Variants in COL11A2 observed in about 807,000 individuals in gnomAD.
COL11A2 encodes the protein collagen alpha-2(XI) chain.
A neutral mutation model predicts 273.4 loss-of-function variants in COL11A2; 116 were observed. That is an observed-to-expected ratio of 0.42 (90% confidence interval 0.36 to 0.49). The LOEUF (loss-of-function observed/expected upper bound fraction) is 0.49, where lower values mean the gene tolerates loss of function less well. Ranked by LOEUF, COL11A2 falls within the 20% of genes least tolerant of loss-of-function variation. COL11A2 has a pLI of 0.00. For missense variants in COL11A2, 1,866 were observed against 2,309.0 expected (o/e 0.81, Z 3.93); for synonymous variants, 782 against 864.2 (o/e 0.90, Z 1.67).
chr6:33,171,501 C>T lies in COL11A2; in HGVS notation c.3224G>A (p.Gly1075Glu). 1 of 1,613,916 alleles carries T rather than the reference C, an allele frequency of 6.2e-7. No individual in the cohort carries two copies. Residue 1075 changes from glycine to glutamate, a missense_variant, in exon 43 of 66, where the codon GGG (glycine) becomes GAG (glutamate). Physicochemically the swap from Gly to Glu is moderately conservative, Grantham distance 98. Transcript: ENST00000341947. The stretch of plus-strand genomic sequence containing the variant: ...ATCCTCTCCAGCCACACCTGGAGGC[C>T]CAGCAGGACCAGGAAGCCCCACAGG... ...QGPVGLPGPA[G>E]PPGVAGEDGD...
At position 33,172,606 on chromosome 6, in the gene COL11A2, T is replaced by C. The variant is rs1348512017; in HGVS notation, c.2822A>G (p.Glu941Gly). Reference protein sequence around the residue: ...GAAGETGPMGERGHPGPPGPP... With the variant: ...GAAGETGPMGGRGHPGPPGPP... ...CCCCGGGGGGCCTGGGTGACCTCTCTCCCCCATAGGGCCGGTTTCTCCTGC... is the reference window on the plus strand; with the variant it reads ...CCCCGGGGGGCCTGGGTGACCTCTCCCCCCCATAGGGCCGGTTTCTCCTGC... The change falls in exon 39 of 66, where the codon GAG (glutamate) becomes GGG (glycine). Residue 941 changes from glutamate to glycine, a missense_variant. Glu to Gly is a moderately conservative substitution (Grantham distance 98). Transcript: ENST00000341947. The C allele has an allele frequency of 2.5e-6, 4 of 1,612,228 alleles. No homozygotes were observed. Among genetic ancestry groups the C allele is most frequent in the Admixed American group, 1.7e-5 (1 of 59,988 alleles).
chr6:33,186,867 A>G, intron 4 of COL11A2, 49 bp from the exon 5 acceptor site: 1 of 1,611,278 alleles, frequency 6.2e-7, no homozygotes, highest in Middle Eastern at 1.7e-4. Context: ...AGAGAGGCAG[A>G]GGGTATCATC....
chr6:33,185,645 T>C (rs984657351), intron 6 of COL11A2, 56 bp downstream of exon 6: 1 of 788,710 alleles, frequency 1.3e-6, no homozygotes, highest in African/African-American at 1.8e-5. Context: ...TCCTAGGAGA[T>C]GATTGCTGGG....
intron 54 of COL11A2, among the ~76,000 whole-genome samples, chr6:33,168,185 C>G (rs986522): frequency 0.48 from 72,300 of 151,736 alleles, 17,802 homozygotes; most frequent in East Asian, 0.75. Context: ...TGTCAGTAAC[C>G]ACCACTACCC....
At position 33,167,914 on chromosome 6, in the gene COL11A2, C is replaced by T; in HGVS notation, c.3961-62G>A. The T allele has an allele frequency of 2.5e-6, 4 of 1,576,474 alleles. No homozygotes were observed. The highest frequency in any genetic ancestry group is 1.7e-5 in the Admixed American group (1 of 58,184). On this transcript the variant is annotated intron_variant, in intron 54 of 65. Coordinates refer to ENST00000341947, the MANE Select transcript of COL11A2 (RefSeq NM_080680.3). The surrounding 1 kb of genome is among the most constrained non-coding windows in gnomAD (Gnocchi z 6.1). Reference sequence around the variant, plus strand: ...GTGGGCAGCCAGGCTCAACTCTTCCCCCTTCCTGTCCTAGACACACACATA... The same window carrying T: ...GTGGGCAGCCAGGCTCAACTCTTCCTCCTTCCTGTCCTAGACACACACATA...
intron 43 of COL11A2, 25 bp from the exon 44 acceptor site, chr6:33,171,349 A>T (rs372976474): frequency 3.7e-6 from 6 of 1,613,928 alleles, no homozygotes; most frequent in Non-Finnish European, 5.1e-6. Context: ...CAGACAAGAT[A>T]TTAGAGAAAG....
Position 33,167,171 on chromosome 6 carries a change from G to A in COL11A2, c.4177-48C>T. The A allele has an allele frequency of 6.2e-7, 1 of 1,613,260 alleles. No individual in the cohort carries two copies. Among genetic ancestry groups the A allele is most frequent in the Non-Finnish European group, 8.5e-7 (1 of 1,179,188 alleles). On this transcript the variant is annotated intron_variant, in intron 57 of 65. Transcript: ENST00000341947. This position sits in a 1 kb window ranked among gnomAD's most constrained non-coding sequence, Gnocchi z 6.1. ...TCTCTTAAGGGAGAGGTGGGACCAA[G>A]TTCTCCCCAACAGCCTCCACTTCCT... is the stretch of plus-strand genomic sequence containing the variant.
chr6:33,174,151 A>T lies in COL11A2; in HGVS notation c.2484+14T>A. The T allele has an allele frequency of 6.3e-7, 1 of 1,577,266 alleles. No individual in the cohort carries two copies. Among genetic ancestry groups the T allele is most frequent in the South Asian group, 1.2e-5 (1 of 86,938 alleles). ...AGCCCTTCCCTTCTCACGCCCTCCC[A>T]CCCCCCAGCTTACCCGGGCTCCCTT... On this transcript the variant is annotated intron_variant, in intron 32 of 65. Transcript: ENST00000341947.
In COL11A2 at chr6:33,184,011, T is replaced by C. The variant is rs116015488; in HGVS notation, c.1119+134A>G. The stretch of plus-strand genomic sequence containing the variant: ...ATCTTTTCAAGCAACATATACATCA[T>C]ATGTGAACAGAAAATGACAAGTCAC... On this transcript the variant is annotated intron_variant, in intron 8 of 65. Transcript: ENST00000341947. 113,650 of 721,010 alleles carry C rather than the reference T, an allele frequency of 0.16. 11,056 individuals are homozygous for C. The highest frequency in any genetic ancestry group is 0.34 in the Admixed American group (15,241 of 44,448). 44.7% of individuals were successfully genotyped at this position (721,010 alleles called of 1,614,324 possible).
chr6:33,176,394 G>A lies in COL11A2; in HGVS notation c.2169+39C>T. On this transcript the variant is annotated intron_variant, in intron 27 of 65. Transcript: ENST00000341947. The surrounding 1 kb of genome is among the most constrained non-coding windows in gnomAD (Gnocchi z 4.9). ...TCCTAAGACCCCATATAGCTCCCCT[G>A]ACCACAGCCCTTTGTCTCCCAGCCT... 2.5e-6 allele frequency: 4 copies of A among 1,609,398 alleles called. No homozygotes were observed. Among genetic ancestry groups the A allele is most frequent in the Non-Finnish European group, 3.4e-6 (4 of 1,178,004 alleles).
intron 6 of COL11A2, 141 bp from the exon 7 acceptor site, chr6:33,185,195 C>A: frequency 1.4e-6 from 1 of 713,344 alleles, no homozygotes; most frequent in South Asian, 1.6e-5. Context: ...TCAGATCTTG[C>A]AGCCCCTTTG....
In COL11A2 at chr6:33,165,686, C is replaced by G; in HGVS notation, c.4613G>C (p.Gly1538Ala). The G allele has an allele frequency of 3.7e-6, 6 of 1,611,522 alleles. No individual in the cohort carries two copies. The highest frequency in any genetic ancestry group is 1.1e-5 in the South Asian group (1 of 91,082). ...TGAGCCAAAGATCTCCTCCAGCCCCCCAGGACTGCCGGGGGCTCCCCCGGT... is the reference window on the plus strand; with the variant it reads ...TGAGCCAAAGATCTCCTCCAGCCCCGCAGGACTGCCGGGGGCTCCCCCGGT... ...IPTGGAPGSPGGLEEIFGSLD... is the reference protein window; with the variant it reads ...IPTGGAPGSPAGLEEIFGSLD... The change falls in exon 63 of 66, where the codon GGG becomes GCG. Residue 1538 changes from glycine to alanine, a missense_variant. Gly to Ala is a moderately conservative substitution (Grantham distance 60, BLOSUM62 0). Transcript: ENST00000341947. The surrounding 1 kb of genome is among the most constrained non-coding windows in gnomAD (Gnocchi z 7.7).
rs1318659706 is a variant in COL11A2 at position 33,185,765 on chromosome 6, A to C, written c.812T>G (p.Leu271Arg). Residue 271 changes from leucine (L) to arginine (R), a missense_variant, in exon 6 of 66, where the codon CTC (leucine) becomes CGC (arginine). By Grantham distance (102) the Leu-to-Arg change is moderately radical (BLOSUM62 -2). Coordinates refer to ENST00000341947, the MANE Select transcript of COL11A2 (RefSeq NM_080680.3). ...QEPQSQPTESLYYDYEPPYYD... is the reference protein window; with the variant it reads ...QEPQSQPTESRYYDYEPPYYD... ...ATAGGGGGGCTCGTAGTCATAGTAG[A>C]GAGACTCAGTGGGCTGGGATTGGGG... 7.5e-7 allele frequency: 1 copy of C among 1,329,904 alleles called. No individual in the cohort carries two copies. Among genetic ancestry groups the C allele is most frequent in the South Asian group, 1.2e-5 (1 of 86,822 alleles). 82.4% of individuals were successfully genotyped at this position (1,329,904 alleles called of 1,614,324 possible). A position where few individuals can be genotyped will look rare whatever the true frequency, so the allele number is the denominator to read the frequency against.
chr6:33,170,545 G>T lies in COL11A2; in HGVS notation c.3528+12C>A. 1 of 1,612,050 alleles carries T rather than the reference G, an allele frequency of 6.2e-7. No homozygotes were observed. The highest frequency in any genetic ancestry group is 1.1e-5 in the South Asian group (1 of 91,062). On this transcript the variant is annotated intron_variant, in intron 47 of 65. Coordinates refer to ENST00000341947, the MANE Select transcript of COL11A2 (RefSeq NM_080680.3). This position sits in a 1 kb window ranked among gnomAD's most constrained non-coding sequence, Gnocchi z 4.3. ...TAGTATGGTGGCTAGGGTCAGTAGG[G>T]GTCACACTCACCATAGGACCCACAT...
chr6:33,186,497 T>C (rs1275827051), intron 5 of COL11A2, 130 bp downstream of exon 5: 1 of 1,531,108 alleles, frequency 6.5e-7, no homozygotes, highest in African/African-American at 1.4e-5. Flanking sequence ...GGCTGATGAA[T>C]GAGGACTAGG....
At position 33,169,378 on chromosome 6, in the gene COL11A2, C is replaced by T. The variant is rs1187536606; in HGVS notation, c.3798+5G>A. ...AGGACTCAGCCCCCACTGCCCCAAACTCACAGGGTTCCCTTTGGGGCCATC... is the reference window on the plus strand; with the variant it reads ...AGGACTCAGCCCCCACTGCCCCAAATTCACAGGGTTCCCTTTGGGGCCATC... On this transcript the variant is annotated splice_donor_5th_base_variant and intron_variant, in intron 51 of 65. Transcript: ENST00000341947. The surrounding 1 kb of genome is among the most constrained non-coding windows in gnomAD (Gnocchi z 5.5). The T allele has an allele frequency of 6.2e-7, 1 of 1,611,864 alleles. No individual in the cohort carries two copies. Among genetic ancestry groups the T allele is most frequent in the Non-Finnish European group, 8.5e-7 (1 of 1,179,452 alleles).
rs764960539 is a variant in COL11A2 at position 33,176,248 on chromosome 6, A to G, written c.2214+11T>C. ...ACTGAGGTGCTGGGAAGCTGGGGGC[A>G]TGGTGCTCACCTTCTCACCCTTATG... is the stretch of plus-strand genomic sequence containing the variant. On this transcript the variant is annotated intron_variant, in intron 28 of 65. Transcript: ENST00000341947. This position sits in a 1 kb window ranked among gnomAD's most constrained non-coding sequence, Gnocchi z 4.9. 1.2e-6 allele frequency: 2 copies of G among 1,608,526 alleles called. No individual in the cohort carries two copies. Among genetic ancestry groups the G allele is most frequent in the East Asian group, 2.2e-5 (1 of 44,796 alleles).
chr6:33,192,584 T>C (rs1773281128), upstream of COL11A2: 1 of 421,192 alleles, frequency 2.4e-6, no homozygotes, highest in Non-Finnish European at 4.2e-6. Context: ...AGTCTCCACC[T>C]GGGGAGGGAG....
chr6:33,163,049 C>T lies in COL11A2; in HGVS notation c.*629G>A. 1 of 158,272 alleles carries T rather than the reference C, an allele frequency of 6.3e-6. No individual in the cohort carries two copies. 9.8% of individuals were successfully genotyped at this position (158,272 alleles called of 1,614,324 possible). A position where few individuals can be genotyped will look rare whatever the true frequency, so the allele number is the denominator to read the frequency against. On this transcript the variant is annotated 3_prime_UTR_variant, in exon 66 of 66. Transcript: ENST00000341947. This position sits in a 1 kb window ranked among gnomAD's most constrained non-coding sequence, Gnocchi z 4.1. ...AGAGACAGTGGGCACATGGGCCAGG[C>T]AGCCAACACCTGTGGGTTAGAGAGC...
Sources: allele counts gnomAD v4.1 joint callset (sites outside exome capture counted in the v4.1 genomes callset), GRCh38; gene constraint gnomAD v4.1.1; non-coding constraint Gnocchi (gnomAD v3.1); transcripts MANE v1.5; gene names NCBI Gene and HGNC (gene_info 2026-07-23, HGNC 2026-07-21).